FBXW11: variants seen among roughly 807,000 people sequenced by gnomAD.
The protein encoded by FBXW11 is F-box and WD repeat domain containing 11, also known as F-box/WD repeat-containing protein 11.
FBXW11 carries 19 observed loss-of-function variants against 77.6 expected under a neutral mutation model. That is an observed-to-expected ratio of 0.24 (90% confidence interval 0.17 to 0.36). The LOEUF is 0.36. Ranked by LOEUF, FBXW11 falls within the 10% of genes least tolerant of loss-of-function variation. The probability of loss-of-function intolerance (pLI) is 1.00; values close to 1 mark genes in which losing one functional copy is unlikely to be tolerated. For synonymous variants in FBXW11, 235 were observed against 249.4 expected, an observed-to-expected ratio of 0.94 and a Z score of 0.54; for missense variants, 334 against 704.2, an observed-to-expected ratio of 0.47 and a Z score of 5.95.
intron 2 of FBXW11, among the ~76,000 whole-genome samples, chr5:171,952,732 G>A (rs1354635236): frequency 6.6e-6 from 1 of 151,608 alleles, no homozygotes; most frequent in African/African-American, 2.4e-5. Context: ...TTACTGGCGT[G>A]AGCCACCGCG....
At chr5:171,958,201 C>T (rs1256681035) in intron 1 of FBXW11, among the ~76,000 whole-genome samples, 1 of 152,184 alleles carries the variant, frequency 6.6e-6, no homozygotes, top group African/African-American at 2.4e-5. Flanking sequence ...GTGATTCGCG[C>T]AAGGACACAC....
At chr5:172,001,904 T>C (rs774292259) in intron 1 of FBXW11, among the ~76,000 whole-genome samples, 34 of 152,304 alleles carry the variant, frequency 2.2e-4, no homozygotes, top group Admixed American at 9.2e-4. Context: ...TTCCTATCAG[T>C]GCTGACAAAG....
At chr5:171,988,081 G>GA (rs1178758846) in intron 1 of FBXW11, among the ~76,000 whole-genome samples, 1 of 152,134 alleles carries the variant, frequency 6.6e-6, no homozygotes, top group Non-Finnish European at 1.5e-5. Flanking sequence ...AACAGAGTCA[G>GA]AAAAAAGTCT....
At chr5:171,884,434 T>A (rs936620824) in intron 7 of FBXW11, among the ~76,000 whole-genome samples, 2 of 152,230 alleles carry the variant, frequency 1.3e-5, no homozygotes, top group African/African-American at 2.4e-5. Context: ...GCTGTTTTGG[T>A]GACTATAAGC....
Position 171,904,803 on chromosome 5 carries a change from C to T in FBXW11, c.437-4703G>A, listed in dbSNP as rs752163722. On this transcript the variant is annotated intron_variant, in intron 4 of 13. Coordinates refer to ENST00000517395, the MANE Select transcript of FBXW11 (RefSeq NM_001378974.1). This position sits in a 1 kb window ranked among gnomAD's most constrained non-coding sequence, Gnocchi z 4.0. ...GCCAGGATGGTCTTGATCTCTTGAC[C>T]TCATGATCCACCCAACTCGGCCTCC... 2.0e-5 allele frequency among the ~76,000 whole-genome samples: 3 copies of T among 152,072 alleles called. No homozygotes were observed. Among genetic ancestry groups the T allele is most frequent in the Non-Finnish European group, 2.9e-5 (2 of 68,014 alleles).
chr5:171,876,635 T>G lies in FBXW11; in HGVS notation c.972-101A>C. On this transcript the variant is annotated intron_variant, in intron 8 of 13. Coordinates refer to ENST00000517395, the MANE Select transcript of FBXW11 (RefSeq NM_001378974.1). This position sits in a 1 kb window ranked among gnomAD's most constrained non-coding sequence, Gnocchi z 4.2. The stretch of plus-strand genomic sequence containing the variant: ...TGGGTCTGCAATGGTTTGGATATAG[T>G]TTGTCTGACTCTACCAAATCTCATG... The G allele has an allele frequency of 7.1e-7, 1 of 1,412,698 alleles. No homozygotes were observed. The highest frequency in any genetic ancestry group is 1.3e-5 in the South Asian group (1 of 75,808). 87.5% of individuals were successfully genotyped at this position (1,412,698 alleles called of 1,614,324 possible).
rs1581121068 is a variant in FBXW11, at chr5:171,869,740, G to A, written c.1519C>T (p.Arg507Cys). 1.2e-6 allele frequency: 2 copies of A among 1,607,900 alleles called. No individual in the cohort carries two copies. Among genetic ancestry groups the A allele is most frequent in the Non-Finnish European group, 1.7e-6 (2 of 1,176,712 alleles). Residue 507 changes from arginine (R) to cysteine (C), a missense_variant, in exon 12 of 14, where the codon CGC becomes TGC. Around this residue, in one of 10 missense-constraint regions of FBXW11, gnomAD observed 30 missense variants for 50.7 expected, o/e 0.59. Coordinates refer to ENST00000517395, the MANE Select transcript of FBXW11 (RefSeq NM_001378974.1). The surrounding 1 kb of genome is among the most constrained non-coding windows in gnomAD (Gnocchi z 4.1). ...PRAPASTLCL[R>C]TLVEHSGRVF... is the part of the protein sequence containing the mutation. ...AAGAGATCACATACCACCAATGTGC[G>A]CAAACACAATGTGCTTGCTGGGGCT...
At chr5:171,954,872 T>C (rs1763532040) in intron 2 of FBXW11, among the ~76,000 whole-genome samples, 1 of 152,116 alleles carries the variant, frequency 6.6e-6, no homozygotes, top group South Asian at 2.1e-4. Flanking sequence ...AAAACCAACA[T>C]GGAAAACTAC....
intron 2 of FBXW11, among the ~76,000 whole-genome samples, chr5:171,924,639 C>T (rs953065574): frequency 1.3e-5 from 2 of 152,156 alleles, no homozygotes; most frequent in East Asian, 1.9e-4. Context: ...CACCCTCTGC[C>T]GGTGCCAGGC....
intron 2 of FBXW11, among the ~76,000 whole-genome samples, chr5:171,935,783 T>C (rs1239942769): frequency 6.6e-6 from 1 of 152,080 alleles, no homozygotes; most frequent in African/African-American, 2.4e-5. Context: ...AAAAAATTAA[T>C]GGTAAACATT....
At chr5:171,873,267 G>A (rs1484907857) in intron 9 of FBXW11, among the ~76,000 whole-genome samples, 2 of 152,270 alleles carry the variant, frequency 1.3e-5, no homozygotes, top group South Asian at 2.1e-4. Flanking sequence ...TGGTTCAAAC[G>A]CTCATTTACC....
chr5:171,907,755 G>T (rs941617092), intron 4 of FBXW11, among the ~76,000 whole-genome samples: 12 of 152,070 alleles, frequency 7.9e-5, no homozygotes, highest in African/African-American at 2.9e-4. Flanking sequence ...CTTAACATTC[G>T]CTGTAATGAA....
At chr5:171,980,839 C>T (rs1379641258) in intron 1 of FBXW11, among the ~76,000 whole-genome samples, 1 of 152,134 alleles carries the variant, frequency 6.6e-6, no homozygotes. Context: ...CTGATGACCC[C>T]CATTACTGGC....
At chr5:171,883,940 T>C (rs1470585919) in intron 7 of FBXW11, among the ~76,000 whole-genome samples, 1 of 152,244 alleles carries the variant, frequency 6.6e-6, no homozygotes, top group Non-Finnish European at 1.5e-5. Flanking sequence ...TTCTGGATAT[T>C]AGTCCTTTGT....
rs527741293 is a variant in FBXW11 at position 171,901,547 on chromosome 5, G to T, written c.437-1447C>A. Among the ~76,000 whole-genome samples the T allele has an allele frequency of 2.6e-5, 4 of 152,230 alleles. No homozygotes were observed. In the South Asian group the frequency reaches 8.3e-4, roughly 32 times the overall value. On this transcript the variant is annotated intron_variant, in intron 4 of 13. Transcript: ENST00000517395. ...ACTCTGGACTAGATCAAAGACCCAA[G>T]CTATGGTCTAAGAATAAAGACTACA...
At chr5:171,931,325 G>T (rs946599877) in intron 2 of FBXW11, among the ~76,000 whole-genome samples, 1 of 152,218 alleles carries the variant, frequency 6.6e-6, no homozygotes, top group Non-Finnish European at 1.5e-5. Flanking sequence ...TGAAAGTGTG[G>T]TACTGGCAAC....
At chr5:171,920,410 G>A (rs1310013508) in intron 2 of FBXW11, among the ~76,000 whole-genome samples, 5 of 115,484 alleles carry the variant, frequency 4.3e-5, no homozygotes, top group African/African-American at 6.0e-5. Flanking sequence ...ATTCCACACC[G>A]CTATTTAAAA....
chr5:171,974,262 C>G lies in FBXW11; in HGVS notation c.46-16564G>C, dbSNP rs76181733. On this transcript the variant is annotated intron_variant, in intron 1 of 13. Coordinates refer to ENST00000517395, the MANE Select transcript of FBXW11 (RefSeq NM_001378974.1). ...CCAGCCTGACCAACATGGAGAAACC[C>G]CATCTCTACTAAAAACACAAAATTA... Among the ~76,000 whole-genome samples the G allele has an allele frequency of 1.4e-4, 22 of 152,034 alleles. 1 individual carries two copies. In the East Asian group the frequency reaches 4.2e-3, roughly 29 times the overall value.
chr5:171,875,365 T>C (rs1472996006), intron 9 of FBXW11, among the ~76,000 whole-genome samples: 1 of 151,888 alleles, frequency 6.6e-6, no homozygotes, highest in Non-Finnish European at 1.5e-5. Context: ...AAAGGCCACA[T>C]AAGGTATTCT....
Sources: gnomAD v4.1 joint callset for allele counts (sites outside exome capture counted in the v4.1 genomes callset) on GRCh38, gnomAD v4.1.1 for gene constraint, gnomAD v4.1.1 regional missense constraint, Gnocchi (gnomAD v3.1) non-coding constraint, MANE v1.5 for transcripts, NCBI Gene and HGNC (gene_info 2026-07-23, HGNC 2026-07-21) for gene names.